TRAPPC5: variants seen among roughly 807,000 people sequenced by gnomAD.
The protein encoded by TRAPPC5 is trafficking protein particle complex 5.
In TRAPPC5, 5 loss-of-function variants were observed where a neutral mutation model predicts 9.8. The observed-to-expected ratio is 0.51, with a 90% confidence interval of 0.27 to 1.07. The LOEUF is 1.07. Ranked by LOEUF, TRAPPC5 falls within the 50% of genes least tolerant of loss-of-function variation. TRAPPC5 has a pLI of 0.12. For missense variants in TRAPPC5, 243 were observed against 291.5 expected, an observed-to-expected ratio of 0.83 and a Z score of 1.21; for synonymous variants, 146 against 140.7, an observed-to-expected ratio of 1.04 and a Z score of -0.26.
At position 7,681,417 on chromosome 19, in the gene TRAPPC5, G is replaced by A. The variant is rs2032633885; in HGVS notation, c.-13+539G>A. Among the ~76,000 whole-genome samples, 1 of 152,174 alleles carries A rather than the reference G, an allele frequency of 6.6e-6. No homozygotes were observed. The highest frequency in any genetic ancestry group is 2.1e-4 in the South Asian group (1 of 4,828). ...CTCTCCCCGCACCGACAGCTGATGGGAGGACCACAGTTGCTCAGCATCCAG... is the reference window on the plus strand; with the variant it reads ...CTCTCCCCGCACCGACAGCTGATGGAAGGACCACAGTTGCTCAGCATCCAG... On this transcript the variant is annotated intron_variant, in intron 1 of 1. Transcript: ENST00000596148. The surrounding 1 kb of genome is among the most constrained non-coding windows in gnomAD (Gnocchi z 8.7).
Position 7,682,282 on chromosome 19 carries a change from C to T in TRAPPC5, c.29C>T (p.Ser10Leu). The change falls in exon 2 of 2, where the codon TCG becomes TTG. Residue 10 changes from serine (S) to leucine (L), a missense_variant. Transcript: ENST00000596148. The surrounding 1 kb of genome is among the most constrained non-coding windows in gnomAD (Gnocchi z 8.6). MEARFTRGK[S>L]ALLERALARP... Reference sequence around the variant, plus strand: ...GAGGCGCGCTTCACGCGCGGGAAGTCGGCGCTGCTGGAGCGCGCGCTGGCG... The same window carrying T: ...GAGGCGCGCTTCACGCGCGGGAAGTTGGCGCTGCTGGAGCGCGCGCTGGCG... 3 of 1,424,994 alleles carry T rather than the reference C, an allele frequency of 2.1e-6. No homozygotes were observed. The highest frequency in any genetic ancestry group is 3.0e-5 in the African/African-American group (2 of 65,818). 88.3% of individuals were successfully genotyped at this position (1,424,994 alleles called of 1,614,324 possible).
In TRAPPC5 at chr19:7,684,319, G is replaced by A. The variant is rs2032691122; in HGVS notation, c.*1499G>A. 6.6e-6 allele frequency: 1 copy of A among 152,208 alleles called. No individual in the cohort carries two copies. The allele number at this position is 152,208 out of a possible 1,614,324, so 9.4% of individuals were successfully genotyped here. On this transcript the variant is annotated 3_prime_UTR_variant, in exon 2 of 2. Transcript: ENST00000596148. ...CCAGCACTTTGGGAGGCTGAGGCAGGTGGATCACCTGAAGTCAGGAGTTCG... is the reference window on the plus strand; with the variant it reads ...CCAGCACTTTGGGAGGCTGAGGCAGATGGATCACCTGAAGTCAGGAGTTCG...
At position 7,682,828 on chromosome 19, in the gene TRAPPC5, G is replaced by T; in HGVS notation, c.*8G>T. 6.4e-7 allele frequency: 1 copy of T among 1,572,274 alleles called. No individual in the cohort carries two copies. Among genetic ancestry groups the T allele is most frequent in the Non-Finnish European group, 8.6e-7 (1 of 1,156,316 alleles). ...GCCCTGGAGGGCCGCTGACCCTGCCGGAGATAAAGGATACAGAGAGCCCCT... is the reference window on the plus strand; with the variant it reads ...GCCCTGGAGGGCCGCTGACCCTGCCTGAGATAAAGGATACAGAGAGCCCCT... On this transcript the variant is annotated 3_prime_UTR_variant, in exon 2 of 2. Coordinates refer to ENST00000596148, the MANE Select transcript of TRAPPC5 (RefSeq NM_001042462.2). The surrounding 1 kb of genome is among the most constrained non-coding windows in gnomAD (Gnocchi z 8.6).
rs755250138 is a variant in TRAPPC5, at chr19:7,682,682, G to A, written c.429G>A (p.Thr143=). 1.9e-6 allele frequency: 3 copies of A among 1,613,666 alleles called. No homozygotes were observed. The highest frequency in any genetic ancestry group is 2.5e-6 in the Non-Finnish European group (3 of 1,179,886). The part of the protein sequence containing the change: ...ENSTLNCASF[T]AGIVEAVLTH... ...GCACGCTCAACTGCGCCAGCTTCAC[G>A]GCGGGCATCGTGGAGGCGGTGCTCA... The change falls in exon 2 of 2, where the codon ACG becomes ACA. Residue 143 remains threonine (T), a synonymous_variant. Transcript: ENST00000596148. This position sits in a 1 kb window ranked among gnomAD's most constrained non-coding sequence, Gnocchi z 8.6.
At position 7,686,500 on chromosome 19, in the gene TRAPPC5, G is replaced by A. The variant is rs1164923738; in HGVS notation, c.*3680G>A. 6.6e-6 allele frequency: 1 copy of A among 151,510 alleles called. No homozygotes were observed. Among genetic ancestry groups the A allele is most frequent in the African/African-American group, 2.4e-5 (1 of 41,200 alleles). The allele number at this position is 151,510 out of a possible 1,614,324, so 9.4% of individuals were successfully genotyped here. The stretch of plus-strand genomic sequence containing the variant: ...GTTCCAAAAGAAGTCATGTGCCCAT[G>A]GTCACACAGATTAATTATTATTATT... On this transcript the variant is annotated 3_prime_UTR_variant, in exon 2 of 2. Transcript: ENST00000596148.
Position 7,682,854 on chromosome 19 carries a change from C to T in TRAPPC5, c.*34C>T, listed in dbSNP as rs566976976. ...GAGATAAAGGATACAGAGAGCCCCT[C>T]CCCACGTGTGTCTTGTGTCTTGTGT... is the stretch of plus-strand genomic sequence containing the variant. On this transcript the variant is annotated 3_prime_UTR_variant, in exon 2 of 2. Transcript: ENST00000596148. The surrounding 1 kb of genome is among the most constrained non-coding windows in gnomAD (Gnocchi z 8.6). The T allele has an allele frequency of 2.6e-6, 4 of 1,526,650 alleles. No individual in the cohort carries two copies. The African/African-American group carries it at 4.1e-5, about 16-fold the overall frequency. 94.6% of individuals were successfully genotyped at this position (1,526,650 alleles called of 1,614,324 possible). A position where few individuals can be genotyped will look rare whatever the true frequency, so the allele number is the denominator to read the frequency against.
At position 7,682,955 on chromosome 19, in the gene TRAPPC5, G is replaced by A. The variant is rs1435021678; in HGVS notation, c.*135G>A. The A allele has an allele frequency of 9.9e-7, 1 of 1,008,316 alleles. No individual in the cohort carries two copies. The allele number at this position is 1,008,316 out of a possible 1,614,324, so 62.5% of individuals were successfully genotyped here. A position where few individuals can be genotyped will look rare whatever the true frequency, so the allele number is the denominator to read the frequency against. On this transcript the variant is annotated 3_prime_UTR_variant, in exon 2 of 2. Coordinates refer to ENST00000596148, the MANE Select transcript of TRAPPC5 (RefSeq NM_001042462.2). This position sits in a 1 kb window ranked among gnomAD's most constrained non-coding sequence, Gnocchi z 8.6. ...GGGGAGGGAGGCCAGGTCCGAATGT[G>A]TTTACAGTAGAGTGGGGGCGGGTCT...
chr19:7,682,286 G>T lies in TRAPPC5; in HGVS notation c.33G>T (p.Ala11=). The part of the protein sequence containing the change: MEARFTRGKS[A]LLERALARPR... ...CGCGCTTCACGCGCGGGAAGTCGGC[G>T]CTGCTGGAGCGCGCGCTGGCGCGGC... The change falls in exon 2 of 2, where the codon GCG becomes GCT. Residue 11 remains alanine, a synonymous_variant. Coordinates refer to ENST00000596148, the MANE Select transcript of TRAPPC5 (RefSeq NM_001042462.2). The surrounding 1 kb of genome is among the most constrained non-coding windows in gnomAD (Gnocchi z 8.6). The T allele has an allele frequency of 1.4e-6, 2 of 1,430,800 alleles. No homozygotes were observed. Among genetic ancestry groups the T allele is most frequent in the Non-Finnish European group, 9.1e-7 (1 of 1,099,922 alleles). The allele number at this position is 1,430,800 out of a possible 1,614,324, so 88.6% of individuals were successfully genotyped here.
Position 7,682,523 on chromosome 19 carries a change from G to C in TRAPPC5, c.270G>C (p.Lys90Asn). 1 of 1,613,144 alleles carries C rather than the reference G, an allele frequency of 6.2e-7. No individual in the cohort carries two copies. The highest frequency in any genetic ancestry group is 8.5e-7 in the Non-Finnish European group (1 of 1,179,966). Residue 90 changes from lysine to asparagine, a missense_variant, in exon 2 of 2, where the codon AAG becomes AAC. Physicochemically the swap from Lys to Asn is moderately conservative, Grantham distance 94. Coordinates refer to ENST00000596148, the MANE Select transcript of TRAPPC5 (RefSeq NM_001042462.2). The surrounding 1 kb of genome is among the most constrained non-coding windows in gnomAD (Gnocchi z 8.6). Reference protein sequence around the residue: ...TKVLGALLFVKGAVWKALFGK... With the variant: ...TKVLGALLFVNGAVWKALFGK... ...TGCTAGGCGCGTTGCTCTTCGTCAA[G>C]GGCGCCGTGTGGAAGGCGCTCTTCG...
chr19:7,684,836 T>G lies in TRAPPC5; in HGVS notation c.*2016T>G, dbSNP rs906353976. ...CAGGATGATACAAACACATTTCCCTTGTTAAAAAAATTTTAAAATAAGTGG... is the reference window on the plus strand; with the variant it reads ...CAGGATGATACAAACACATTTCCCTGGTTAAAAAAATTTTAAAATAAGTGG... On this transcript the variant is annotated 3_prime_UTR_variant, in exon 2 of 2. Coordinates refer to ENST00000596148, the MANE Select transcript of TRAPPC5 (RefSeq NM_001042462.2). 6.7e-5 allele frequency: 10 copies of G among 149,728 alleles called. No homozygotes were observed. The highest frequency in any genetic ancestry group is 1.2e-4 in the Non-Finnish European group (8 of 67,010). The allele number at this position is 149,728 out of a possible 1,614,324, so 9.3% of individuals were successfully genotyped here.
Position 7,682,994 on chromosome 19 carries a change from G to A in TRAPPC5, c.*174G>A, listed in dbSNP as rs1048179219. 2 of 701,994 alleles carry A rather than the reference G, an allele frequency of 2.8e-6. No homozygotes were observed. Among genetic ancestry groups the A allele is most frequent in the African/African-American group, 3.6e-5 (2 of 55,582 alleles). The allele number at this position is 701,994 out of a possible 1,614,324, so 43.5% of individuals were successfully genotyped here. A position where few individuals can be genotyped will look rare whatever the true frequency, so the allele number is the denominator to read the frequency against. On this transcript the variant is annotated 3_prime_UTR_variant, in exon 2 of 2. Coordinates refer to ENST00000596148, the MANE Select transcript of TRAPPC5 (RefSeq NM_001042462.2). The surrounding 1 kb of genome is among the most constrained non-coding windows in gnomAD (Gnocchi z 8.6). ...GGGGGCGGGTCTGGCCATAGGGTTG[G>A]GGGGTTGAGTGAGACCAGGAGTGGT...
chr19:7,682,656 A>G lies in TRAPPC5; in HGVS notation c.403A>G (p.Ser135Gly). 6.2e-7 allele frequency: 1 copy of G among 1,613,972 alleles called. No homozygotes were observed. The highest frequency in any genetic ancestry group is 8.5e-7 in the Non-Finnish European group (1 of 1,179,984). The stretch of plus-strand genomic sequence containing the variant: ...CTACATCTCCGTGCCCAAGGAGAAC[A>G]GCACGCTCAACTGCGCCAGCTTCAC... ...NTYISVPKEN[S>G]TLNCASFTAG... Residue 135 changes from serine (S) to glycine (G), a missense_variant, in exon 2 of 2, where the codon AGC becomes GGC. By Grantham distance (56) the Ser-to-Gly change is moderately conservative. Around this residue, in one of 2 missense-constraint regions of TRAPPC5, gnomAD observed 154 missense variants for 215.8 expected, o/e 0.71. Coordinates refer to ENST00000596148, the MANE Select transcript of TRAPPC5 (RefSeq NM_001042462.2). This position sits in a 1 kb window ranked among gnomAD's most constrained non-coding sequence, Gnocchi z 8.6.
chr19:7,682,969 G>A lies in TRAPPC5; in HGVS notation c.*149G>A. On this transcript the variant is annotated 3_prime_UTR_variant, in exon 2 of 2. Coordinates refer to ENST00000596148, the MANE Select transcript of TRAPPC5 (RefSeq NM_001042462.2). The surrounding 1 kb of genome is among the most constrained non-coding windows in gnomAD (Gnocchi z 8.6). ...GGTCCGAATGTGTTTACAGTAGAGT[G>A]GGGGCGGGTCTGGCCATAGGGTTGG... 1.1e-6 allele frequency: 1 copy of A among 891,492 alleles called. No individual in the cohort carries two copies. Among genetic ancestry groups the A allele is most frequent in the East Asian group, 2.7e-5 (1 of 37,282 alleles). The allele number at this position is 891,492 out of a possible 1,614,324, so 55.2% of individuals were successfully genotyped here.
In TRAPPC5 at chr19:7,681,143, C is replaced by T. The variant is rs994435811; in HGVS notation, c.-13+265C>T. 2 of 152,320 alleles carry T rather than the reference C, an allele frequency of 1.3e-5. No homozygotes were observed. The highest frequency in any genetic ancestry group is 2.9e-5 in the Non-Finnish European group (2 of 68,180). 9.4% of individuals were successfully genotyped at this position (152,320 alleles called of 1,614,324 possible). A position where few individuals can be genotyped will look rare whatever the true frequency, so the allele number is the denominator to read the frequency against. ...CGGTGGTGGGGTCTTAACGATCCCT[C>T]TCCCATCTCGCGCGCCCAGGGCCCT... On this transcript the variant is annotated intron_variant, in intron 1 of 1. Coordinates refer to ENST00000596148, the MANE Select transcript of TRAPPC5 (RefSeq NM_001042462.2). The surrounding 1 kb of genome is among the most constrained non-coding windows in gnomAD (Gnocchi z 8.7).
Position 7,682,640 on chromosome 19 carries a change from C to G in TRAPPC5, c.387C>G (p.Ser129=). Reference sequence around the variant, plus strand: ...AGCCGCTCATCAACACCTACATCTCCGTGCCCAAGGAGAACAGCACGCTCA... The same window carrying G: ...AGCCGCTCATCAACACCTACATCTCGGTGCCCAAGGAGAACAGCACGCTCA... ...EREPLINTYI[S]VPKENSTLNC... The change falls in exon 2 of 2, where the codon TCC becomes TCG. Residue 129 remains serine (S), a synonymous_variant. Coordinates refer to ENST00000596148, the MANE Select transcript of TRAPPC5 (RefSeq NM_001042462.2). This position sits in a 1 kb window ranked among gnomAD's most constrained non-coding sequence, Gnocchi z 8.6. 3 of 1,613,838 alleles carry G rather than the reference C, an allele frequency of 1.9e-6. No individual in the cohort carries two copies. The highest frequency in any genetic ancestry group is 2.5e-6 in the Non-Finnish European group (3 of 1,179,994).
rs1276793544 is a variant in TRAPPC5, at chr19:7,682,417, C to T, written c.164C>T (p.Ala55Val). 8.8e-6 allele frequency: 14 copies of T among 1,590,124 alleles called. No individual in the cohort carries two copies. The highest frequency in any genetic ancestry group is 1.8e-5 in the Admixed American group (1 of 56,374). ...GTGGCCGAGCTGCAGTCGCGCCTGGCCGCGCTGGGCCGCCAGGTGGGCGCG... is the reference window on the plus strand; with the variant it reads ...GTGGCCGAGCTGCAGTCGCGCCTGGTCGCGCTGGGCCGCCAGGTGGGCGCG... ...FSVAELQSRL[A>V]ALGRQVGARV... The change falls in exon 2 of 2, where the codon GCC becomes GTC. Residue 55 changes from alanine to valine, a missense_variant. By Grantham distance (64) the Ala-to-Val change is moderately conservative (BLOSUM62 0). Around this residue, in one of 2 missense-constraint regions of TRAPPC5, gnomAD observed 154 missense variants for 215.8 expected, o/e 0.71. Transcript: ENST00000596148. The surrounding 1 kb of genome is among the most constrained non-coding windows in gnomAD (Gnocchi z 8.6).
rs55933885 is a variant in TRAPPC5 at position 7,687,489 on chromosome 19, C to G, written c.*4669C>G. The G allele has an allele frequency of 0.067, 10,191 of 152,736 alleles. 383 individuals carry two copies. Among genetic ancestry groups the G allele is most frequent in the Non-Finnish European group, 0.082 (5,614 of 68,396 alleles). The allele number at this position is 152,736 out of a possible 1,614,324, so 9.5% of individuals were successfully genotyped here. On this transcript the variant is annotated 3_prime_UTR_variant, in exon 2 of 2. Transcript: ENST00000596148. The stretch of plus-strand genomic sequence containing the variant: ...GTTGACCGGGCCCACTCCCCATCAG[C>G]CTGTCCAGCCAGCCAGCACTTACTG...
chr19:7,686,513 AATT>A lies in TRAPPC5; in HGVS notation c.*3712_*3714del, dbSNP rs138276103. The A allele has an allele frequency of 0.064, 9,637 of 151,508 alleles. 353 individuals carry two copies. The highest frequency in any genetic ancestry group is 0.082 in the Non-Finnish European group (5,540 of 67,912). The allele number at this position is 151,508 out of a possible 1,614,324, so 9.4% of individuals were successfully genotyped here. A position where few individuals can be genotyped will look rare whatever the true frequency, so the allele number is the denominator to read the frequency against. ...TCATGTGCCCATGGTCACACAGATTAATTATTATTATTATTATTATTTAGAGAT... is the reference window on the plus strand; with the variant it reads ...TCATGTGCCCATGGTCACACAGATTAATTATTATTATTATTATTTAGAGAT... On this transcript the variant is annotated 3_prime_UTR_variant, in exon 2 of 2. Coordinates refer to ENST00000596148, the MANE Select transcript of TRAPPC5 (RefSeq NM_001042462.2).
Position 7,682,288 on chromosome 19 carries a change from T to TGCTGGAGCGCGC in TRAPPC5, c.41_52dup (p.Glu14_Leu17dup), listed in dbSNP as rs770124056. The stretch of plus-strand genomic sequence containing the variant: ...CGCTTCACGCGCGGGAAGTCGGCGC[T>TGCTGGAGCGCGC]GCTGGAGCGCGCGCTGGCGCGGCCG... On this transcript the variant is annotated inframe_insertion, in exon 2 of 2. Transcript: ENST00000596148. The surrounding 1 kb of genome is among the most constrained non-coding windows in gnomAD (Gnocchi z 8.6). 199 of 1,450,024 alleles carry TGCTGGAGCGCGC rather than the reference T, an allele frequency of 1.4e-4. No homozygotes were observed. The highest frequency in any genetic ancestry group is 1.7e-4 in the Non-Finnish European group (190 of 1,110,442). 89.8% of individuals were successfully genotyped at this position (1,450,024 alleles called of 1,614,324 possible).
Sources: allele counts gnomAD v4.1 joint callset (sites outside exome capture counted in the v4.1 genomes callset), GRCh38; gene constraint gnomAD v4.1.1; regional missense constraint gnomAD v4.1.1; non-coding constraint Gnocchi (gnomAD v3.1); transcripts MANE v1.5; gene names NCBI Gene and HGNC (gene_info 2026-07-23, HGNC 2026-07-21).